Variants in ASTN1 observed in about 807,000 individuals in gnomAD.
ASTN1 encodes the protein astrotactin-1.
In ASTN1, 41 loss-of-function variants were observed where a neutral mutation model predicts 140.7. The observed-to-expected ratio is 0.29, with a 90% confidence interval of 0.23 to 0.38. The LOEUF (loss-of-function observed/expected upper bound fraction) is 0.38, where lower values mean the gene tolerates loss of function less well. Among genes scored for constraint, ASTN1 ranks in the 10% least tolerant of loss-of-function variants. The pLI is 1.00. For synonymous variants in ASTN1, 640 were observed against 652.2 expected (o/e 0.98, Z 0.29); for missense variants, 1,479 against 1,678.8 (o/e 0.88, Z 2.08).
intron 8 of ASTN1, among the ~76,000 whole-genome samples, chr1:177,005,857 C>T (rs140597649): frequency 2.0e-5 from 3 of 152,256 alleles, no homozygotes; most frequent in Non-Finnish European, 2.9e-5. Context: ...GTTCCACTCG[C>T]CTTGACCTCC....
At chr1:177,003,738 C>T (rs185420699) in intron 8 of ASTN1, among the ~76,000 whole-genome samples, 3 of 151,048 alleles carry the variant, frequency 2.0e-5, no homozygotes, top group East Asian at 3.9e-4. Flanking sequence ...CTTGAACTTG[C>T]GAGGCAGAGG....
At chr1:177,032,045 T>C (rs1415710305) in intron 3 of ASTN1, among the ~76,000 whole-genome samples, 1 of 152,188 alleles carries the variant, frequency 6.6e-6, no homozygotes, top group Non-Finnish European at 1.5e-5. Flanking sequence ...AAAAAGCAGA[T>C]ACCACTGTCC....
chr1:177,134,995 T>C (rs1682122189), intron 1 of ASTN1, among the ~76,000 whole-genome samples: 1 of 152,138 alleles, frequency 6.6e-6, no homozygotes. Context: ...CTCCTCTCTC[T>C]CCTTCCTTCT....
At chr1:176,982,029 G>C (rs1180093691) in intron 8 of ASTN1, among the ~76,000 whole-genome samples, 1 of 152,174 alleles carries the variant, frequency 6.6e-6, no homozygotes, top group Non-Finnish European at 1.5e-5. Context: ...GGGGAGGTCA[G>C]CAGGAAGACA....
rs201633112 is a variant in ASTN1, at chr1:177,023,398, G to A, written c.1438+6C>T. On this transcript the variant is annotated splice_donor_region_variant and intron_variant, in intron 7 of 22. Transcript: ENST00000361833. ...CAGTTACCCGCTGCCCGGTGCTCCCGCCTACCAGTTTCGGGGTCACATTGG... is the reference window on the plus strand; with the variant it reads ...CAGTTACCCGCTGCCCGGTGCTCCCACCTACCAGTTTCGGGGTCACATTGG... 1.0e-5 allele frequency: 16 copies of A among 1,580,536 alleles called. No homozygotes were observed. The Admixed American group carries it at 1.3e-4, about 13-fold the overall frequency.
chr1:177,073,328 C>T (rs556103046), intron 1 of ASTN1, among the ~76,000 whole-genome samples: 5 of 152,022 alleles, frequency 3.3e-5, no homozygotes, highest in South Asian at 2.1e-4. Flanking sequence ...CTGTATTTTG[C>T]GATTGTACTA....
At chr1:176,991,413 CAAAAAAAAAAAAAAAAAAAAACCA>C (rs1265325105) in intron 8 of ASTN1, among the ~76,000 whole-genome samples, 283 of 109,492 alleles carry the variant, frequency 2.6e-3, no homozygotes, top group Admixed American at 4.5e-3. Flanking sequence ...AACTCTGTCT[CAAAAAAAAAAAAAAAAAAAAACCA>C]AAAAAAAAAA....
At chr1:177,142,621 A>T (rs938642178) in intron 1 of ASTN1, among the ~76,000 whole-genome samples, 1 of 152,152 alleles carries the variant, frequency 6.6e-6, no homozygotes, top group African/African-American at 2.4e-5. Flanking sequence ...AATGTTACAT[A>T]AAAAAATGAG....
chr1:176,867,355 G>C (rs931086184), intron 22 of ASTN1, among the ~76,000 whole-genome samples: 2 of 152,114 alleles, frequency 1.3e-5, no homozygotes, highest in Admixed American at 1.3e-4. Context: ...GGAGGGGGTG[G>C]AGAGGGAGGT....
intron 8 of ASTN1, among the ~76,000 whole-genome samples, chr1:176,971,704 TA>T (rs1297415019): frequency 6.6e-6 from 1 of 152,184 alleles, no homozygotes; most frequent in African/African-American, 2.4e-5. Flanking sequence ...TCACCAGATA[TA>T]AAGGACCTTG....
chr1:176,936,300 G>A lies in ASTN1; in HGVS notation c.2448C>T (p.Tyr816=). ...TGGCCACTTGGTTGAGTTTGATGTG[G>A]TACATCACAGACCGGACCTTCCAGT... is the stretch of plus-strand genomic sequence containing the variant. ...LQHWKVRSVM[Y]HIKLNQVAIS... The change falls in exon 15 of 23, where the codon TAC becomes TAT. Residue 816 remains tyrosine, a synonymous_variant. Coordinates refer to ENST00000361833, the MANE Select transcript of ASTN1 (RefSeq NM_004319.3). 1 of 1,613,994 alleles carries A rather than the reference G, an allele frequency of 6.2e-7. No homozygotes were observed. The highest frequency in any genetic ancestry group is 8.5e-7 in the Non-Finnish European group (1 of 1,179,960).
At chr1:177,064,473 A>G (rs554528198) in intron 1 of ASTN1, among the ~76,000 whole-genome samples, 25 of 152,334 alleles carry the variant, frequency 1.6e-4, no homozygotes, top group African/African-American at 5.8e-4. Flanking sequence ...ATGAGGAAGA[A>G]GGTCTTCTGC....
rs1680851346 is a variant in ASTN1 at position 177,112,133 on chromosome 1, T to C, written c.284-50868A>G. On this transcript the variant is annotated intron_variant, in intron 1 of 22. Transcript: ENST00000361833. ...AATCTGGGTTCCAGGCTGGCTGCCA[T>C]AGAATGTTTTGCTTTTTCAGTGGAA... Among the ~76,000 whole-genome samples, 7 of 152,332 alleles carry C rather than the reference T, an allele frequency of 4.6e-5. No homozygotes were observed. In the South Asian group the frequency reaches 1.5e-3, roughly 32 times the overall value.
At chr1:176,857,810 G>A (rs1314361602), downstream of ASTN1, among the ~76,000 whole-genome samples, 20 of 152,172 alleles carry the variant, frequency 1.3e-4, no homozygotes, top group Admixed American at 1.3e-3. Context: ...GTGGTCATCA[G>A]GACAAAACGG....
intron 17 of ASTN1, among the ~76,000 whole-genome samples, chr1:176,893,575 C>T (rs1349756043): frequency 6.6e-6 from 1 of 152,180 alleles, no homozygotes; most frequent in Non-Finnish European, 1.5e-5. Flanking sequence ...TACAAAATCC[C>T]TCCTGTTGGT....
rs1054193701 is a variant in ASTN1 at position 176,863,354 on chromosome 1, C to T, written c.*930G>A. ...CCAATCAGACATCGGCCAAGCCTTA[C>T]CTGTCCAAGGTAAGAGGTGTGGGGG... On this transcript the variant is annotated 3_prime_UTR_variant, in exon 23 of 23. Transcript: ENST00000361833. 32 of 985,858 alleles carry T rather than the reference C, an allele frequency of 3.2e-5. No individual in the cohort carries two copies. The African/African-American group carries it at 4.9e-4, about 15-fold the overall frequency. 61.1% of individuals were successfully genotyped at this position (985,858 alleles called of 1,614,324 possible). A position where few individuals can be genotyped will look rare whatever the true frequency, so the allele number is the denominator to read the frequency against.
Position 177,105,764 on chromosome 1 carries a change from G to A in ASTN1, c.284-44499C>T, listed in dbSNP as rs1208081883. 1.3e-4 allele frequency among the ~76,000 whole-genome samples: 20 copies of A among 152,088 alleles called. 1 individual carries two copies. The highest frequency in any genetic ancestry group is 1.2e-3 in the Admixed American group (19 of 15,262). ...TTTGTTCTCAGTGATTTCCACTTAT[G>A]AACACCTTTATTCTTCAAGACAACT... is the stretch of plus-strand genomic sequence containing the variant. On this transcript the variant is annotated intron_variant, in intron 1 of 22. Coordinates refer to ENST00000361833, the MANE Select transcript of ASTN1 (RefSeq NM_004319.3).
intron 8 of ASTN1, among the ~76,000 whole-genome samples, chr1:176,965,795 G>A (rs1672855301): frequency 6.6e-6 from 1 of 152,144 alleles, no homozygotes; most frequent in African/African-American, 2.4e-5. Flanking sequence ...TATTCAACAT[G>A]TTTTCTTTTC....
intron 16 of ASTN1, among the ~76,000 whole-genome samples, chr1:176,931,781 C>CAGCAAA (rs1266458916): frequency 2.0e-5 from 3 of 152,232 alleles, no homozygotes; most frequent in Non-Finnish European, 4.4e-5. Context: ...GCAACAGCAA[C>CAGCAAA]AGCAAACACC....
Sources: allele counts gnomAD v4.1 joint callset (sites outside exome capture counted in the v4.1 genomes callset), GRCh38; gene constraint gnomAD v4.1.1; transcripts MANE v1.5; gene names NCBI Gene and HGNC (gene_info 2026-07-23, HGNC 2026-07-21).